The following TRIT1 variants were observed in gnomAD, a reference collection of about 807,000 sequenced individuals.
TRIT1 encodes the protein tRNA isopentenyltransferase 1.
TRIT1 carries 43 observed loss-of-function variants against 51.2 expected under a neutral mutation model. The ratio of observed to expected loss-of-function variants is 0.84; its 90% confidence interval spans 0.66 to 1.08. The LOEUF is 1.08. Ranked by LOEUF, TRIT1 falls within the 50% of genes least tolerant of loss-of-function variation. The probability of loss-of-function intolerance (pLI) is 0.00; values close to 1 mark genes in which losing one functional copy is unlikely to be tolerated. For synonymous variants in TRIT1, 184 were observed against 203.9 expected, an observed-to-expected ratio of 0.90 and a Z score of 0.83; for missense variants, 528 against 578.4, an observed-to-expected ratio of 0.91 and a Z score of 0.89.
chr1:39,863,158 T>A (rs1445150186), intron 1 of TRIT1, among the ~76,000 whole-genome samples: 1 of 152,176 alleles, frequency 6.6e-6, no homozygotes, highest in Non-Finnish European at 1.5e-5. Flanking sequence ...ATGTTAGTTA[T>A]GAAAAGAAGA....
chr1:39,873,928 T>G (rs527513809), intron 1 of TRIT1, among the ~76,000 whole-genome samples: 1 of 151,982 alleles, frequency 6.6e-6, no homozygotes, highest in Non-Finnish European at 1.5e-5. Context: ...GGCAGGAGAA[T>G]TGCTTGAACC....
At chr1:39,877,792 G>T (rs1202313801) in intron 1 of TRIT1, among the ~76,000 whole-genome samples, 1 of 152,156 alleles carries the variant, frequency 6.6e-6, no homozygotes, top group Non-Finnish European at 1.5e-5. Flanking sequence ...AGAAGACCCA[G>T]ATCCAATTCC....
intron 4 of TRIT1, chr1:39,852,415 G>A (rs1642633186): frequency 4.1e-6 from 1 of 242,242 alleles, no homozygotes; most frequent in Non-Finnish European, 7.9e-6. Context: ...TAAACAAACT[G>A]CATGCCAGAA....
intron 2 of TRIT1, among the ~76,000 whole-genome samples, chr1:39,855,591 C>A (rs919798275): frequency 6.6e-6 from 1 of 152,124 alleles, no homozygotes; most frequent in Non-Finnish European, 1.5e-5. Flanking sequence ...AGCATCATCT[C>A]AGCACTCCAA....
intron 1 of TRIT1, among the ~76,000 whole-genome samples, chr1:39,874,654 T>C (rs1237002922): frequency 6.6e-6 from 1 of 152,006 alleles, no homozygotes; most frequent in East Asian, 1.9e-4. Context: ...TTAATAAGCA[T>C]GTCTCATTTT....
At chr1:39,852,615 A>C in intron 4 of TRIT1, 116 bp downstream of exon 4, 1 of 1,296,104 alleles carries the variant, frequency 7.7e-7, no homozygotes, top group East Asian at 2.3e-5. Flanking sequence ...CTAGAACAAC[A>C]CATCAATCTC....
At chr1:39,858,733 T>C (rs756956389) in intron 1 of TRIT1, among the ~76,000 whole-genome samples, 3 of 152,056 alleles carry the variant, frequency 2.0e-5, no homozygotes, top group Non-Finnish European at 4.4e-5. Flanking sequence ...AAACAGCATA[T>C]AAATAAAAAA....
intron 2 of TRIT1, among the ~76,000 whole-genome samples, chr1:39,857,016 T>C (rs1398667641): frequency 1.3e-5 from 2 of 152,208 alleles, no homozygotes; most frequent in African/African-American, 4.8e-5. Context: ...CAGATTCTAA[T>C]TCAGTAGGTC....
chr1:39,865,455 T>C (rs1171024967), intron 1 of TRIT1, among the ~76,000 whole-genome samples: 1 of 152,200 alleles, frequency 6.6e-6, no homozygotes, highest in Non-Finnish European at 1.5e-5. Flanking sequence ...AATCTAGTTC[T>C]CTTTTTGTGG....
At chr1:39,842,921 G>A (rs1462215619) in intron 10 of TRIT1, among the ~76,000 whole-genome samples, 2 of 152,146 alleles carry the variant, frequency 1.3e-5, no homozygotes, top group African/African-American at 2.4e-5. Flanking sequence ...GGAGATGGGA[G>A]TAAGGACTTG....
Position 39,839,387 on chromosome 1 carries a change from T to G in TRIT1, c.*2357A>C, listed in dbSNP as rs909615490. 1.3e-5 allele frequency among the ~76,000 whole-genome samples: 2 copies of G among 152,242 alleles called. No individual in the cohort carries two copies. The highest frequency in any genetic ancestry group is 4.8e-5 in the African/African-American group (2 of 41,470). On this transcript the variant is annotated 3_prime_UTR_variant, in exon 11 of 11. Coordinates refer to ENST00000316891, the MANE Select transcript of TRIT1 (RefSeq NM_017646.6). ...TCCCAGCTTTGCCTTGCTCTGTGAC[T>G]GGAACATCCATGTTTTAGGCCTCAG...
chr1:39,847,115 T>A, intron 8 of TRIT1, 105 bp downstream of exon 8: 1 of 908,932 alleles, frequency 1.1e-6, no homozygotes, highest in East Asian at 2.5e-5. Flanking sequence ...AGATCCAAAA[T>A]CTTAGAACAG....
chr1:39,869,303 C>G (rs1267054232), intron 1 of TRIT1, among the ~76,000 whole-genome samples: 1 of 152,252 alleles, frequency 6.6e-6, no homozygotes, highest in East Asian at 1.9e-4. Flanking sequence ...CAGGGTTTCG[C>G]CGTGTTGGCC....
At chr1:39,881,494 A>C (rs1216800278) in intron 1 of TRIT1, 1 of 151,724 alleles carries the variant, frequency 6.6e-6, no homozygotes, top group African/African-American at 2.4e-5. Context: ...GTCTCCTTTT[A>C]CTATCCTACC....
chr1:39,844,291 G>C (rs1642096554), intron 9 of TRIT1, 73 bp from the exon 10 acceptor site: 1 of 1,308,522 alleles, frequency 7.6e-7, no homozygotes, highest in East Asian at 2.3e-5. Flanking sequence ...AAGGGAAATG[G>C]GATTTTCCTA....
At chr1:39,844,829 G>A (rs1642134557) in intron 8 of TRIT1, among the ~76,000 whole-genome samples, 189 bp from the exon 9 acceptor site, 2 of 152,354 alleles carry the variant, frequency 1.3e-5, no homozygotes, top group African/African-American at 2.4e-5. Flanking sequence ...TCTGCAGCTA[G>A]TAAGACTAGC....
chr1:39,871,944 T>G (rs1643894770), intron 1 of TRIT1, among the ~76,000 whole-genome samples: 1 of 152,130 alleles, frequency 6.6e-6, no homozygotes, highest in Non-Finnish European at 1.5e-5. Context: ...TGCTTTGTTG[T>G]CCAGGCTAGA....
At chr1:39,880,893 C>A (rs1644240665) in intron 1 of TRIT1, among the ~76,000 whole-genome samples, 1 of 151,922 alleles carries the variant, frequency 6.6e-6, no homozygotes, top group Non-Finnish European at 1.5e-5. Flanking sequence ...TATATCCAAC[C>A]CTCACTGCCA....
intron 5 of TRIT1, among the ~76,000 whole-genome samples, chr1:39,848,810 G>A (rs1024247489): frequency 1.3e-5 from 2 of 150,946 alleles, no homozygotes; most frequent in African/African-American, 2.4e-5. Context: ...GCAACAGGGC[G>A]AGACTCTGTC....
Sources: allele counts gnomAD v4.1 joint callset (sites outside exome capture counted in the v4.1 genomes callset), GRCh38; gene constraint gnomAD v4.1.1; transcripts MANE v1.5; gene names NCBI Gene and HGNC (gene_info 2026-07-23, HGNC 2026-07-21).